Variants in HMGN5 observed in about 807,000 individuals in gnomAD.
The protein encoded by HMGN5 is high mobility group nucleosome-binding domain-containing protein 5.
HMGN5 carries 4 observed loss-of-function variants against 9.5 expected under a neutral mutation model. That is an observed-to-expected ratio of 0.42 (90% confidence interval 0.21 to 0.96). The LOEUF (loss-of-function observed/expected upper bound fraction) is 0.96, where lower values mean the gene tolerates loss of function less well. Ranked by LOEUF, HMGN5 falls within the 40% of genes least tolerant of loss-of-function variation. The probability of loss-of-function intolerance (pLI) is 0.30; values close to 1 mark genes in which losing one functional copy is unlikely to be tolerated. For missense variants in HMGN5, 192 were observed against 187.5 expected (o/e 1.02, Z -0.14); for synonymous variants, 55 against 57.1 (o/e 0.96, Z 0.16).
chrX:81,155,731 G>T (rs2075381312), intron 1 of HMGN5, among the ~76,000 whole-genome samples: 1 of 111,726 alleles, frequency 9.0e-6, no homozygotes, highest in Non-Finnish European at 1.9e-5. Context: ...ATAACAGATT[G>T]CCAGGGATTA....
intron 3 of HMGN5, 110 bp from the exon 4 acceptor site, chrX:81,118,869 A>G: frequency 2.0e-6 from 1 of 492,299 alleles, no homozygotes; most frequent in Non-Finnish European, 3.4e-6. Flanking sequence ...TATTGTCATT[A>G]AGTAATTGTG....
chrX:81,135,847 G>T, intron 1 of HMGN5, among the ~76,000 whole-genome samples: 1 of 110,994 alleles, frequency 9.0e-6, no homozygotes, highest in African/African-American at 3.3e-5. Context: ...TTGAGAGGTG[G>T]GGCCTTTAAG....
In HMGN5 at chrX:81,141,492, A is replaced by G. The variant is rs372465104; in HGVS notation, c.-123-19820T>C. On this transcript the variant is annotated intron_variant, in intron 1 of 6. Coordinates refer to ENST00000358130, the MANE Select transcript of HMGN5 (RefSeq NM_030763.3). ...AGAGAGAGAGAGAGAGAGAGAGAGA[A>G]AGAGAGAGAGAGAGAGACTACTTTT... Among the ~76,000 whole-genome samples the G allele has an allele frequency of 3.1e-4, 15 of 47,704 alleles. No individual in the cohort carries two copies. The South Asian group carries it at 3.3e-3, about 11-fold the overall frequency. 41.4% of individuals were successfully genotyped at this position (47,704 alleles called of 115,157 possible).
intron 1 of HMGN5, among the ~76,000 whole-genome samples, chrX:81,169,499 T>C (rs1271392982): frequency 9.0e-6 from 1 of 111,565 alleles, no homozygotes; most frequent in African/African-American, 3.3e-5. Flanking sequence ...AGATCCTAGC[T>C]ACCTAACGGG....
chrX:81,128,654 A>G (rs1186397137), intron 1 of HMGN5, among the ~76,000 whole-genome samples: 1 of 111,480 alleles, frequency 9.0e-6, no homozygotes, highest in African/African-American at 3.3e-5. Context: ...CACTGGAGAT[A>G]AAAAAGGTAA....
intron 1 of HMGN5, among the ~76,000 whole-genome samples, chrX:81,191,855 G>C (rs971792809): frequency 9.8e-5 from 11 of 111,740 alleles, no homozygotes; most frequent in Admixed American, 3.8e-4. Flanking sequence ...TGTGGATAAG[G>C]GTCCTTTTTC....
At chrX:81,177,546 G>A (rs780533466) in intron 1 of HMGN5, among the ~76,000 whole-genome samples, 3 of 109,825 alleles carry the variant, frequency 2.7e-5, no homozygotes, top group Non-Finnish European at 3.8e-5. Context: ...CAATACAGGA[G>A]CACCCAGATT....
intron 1 of HMGN5, among the ~76,000 whole-genome samples, chrX:81,126,900 G>C (rs2075285456): frequency 9.0e-6 from 1 of 111,411 alleles, no homozygotes; most frequent in Non-Finnish European, 1.9e-5. Context: ...TACTCTCTTA[G>C]AAAATTTCTA....
Position 81,114,687 on chromosome X carries a change from C to G in HMGN5, c.811G>C (p.Asp271His), listed in dbSNP as rs1221024859. Residue 271 changes from aspartate (D) to histidine (H), a missense_variant, in exon 7 of 7, where the codon GAT becomes CAT. Asp to His is a moderately conservative substitution (Grantham distance 81). Coordinates refer to ENST00000358130, the MANE Select transcript of HMGN5 (RefSeq NM_030763.3). ...EGKEEDEIKE[D>H]DGKKEEPQSI... ...TGTGGCTCCTCTTTTTTTCCATCAT[C>G]TTCTTTGATCTCATCTTCCTCTTTT... 4 of 1,138,954 alleles carry G rather than the reference C, an allele frequency of 3.5e-6. No homozygotes were observed. The East Asian group carries it at 1.3e-4, about 38-fold the overall frequency. The allele number at this position is 1,138,954 out of a possible 1,213,427, so 93.9% of individuals were successfully genotyped here.
intron 1 of HMGN5, among the ~76,000 whole-genome samples, chrX:81,198,709 G>T (rs1569354206): frequency 9.0e-6 from 1 of 111,484 alleles, no homozygotes; most frequent in Non-Finnish European, 1.9e-5. Flanking sequence ...AATAAACTAG[G>T]TATTGATGGA....
At chrX:81,149,256 A>T (rs1359492053) in intron 1 of HMGN5, among the ~76,000 whole-genome samples, 1 of 111,976 alleles carries the variant, frequency 8.9e-6, no homozygotes, top group Admixed American at 9.5e-5. Context: ...AGAGTGGATT[A>T]AAAAAATGTG....
intron 1 of HMGN5, among the ~76,000 whole-genome samples, chrX:81,165,593 C>A (rs778742057): frequency 9.0e-6 from 1 of 111,251 alleles, no homozygotes; most frequent in African/African-American, 3.3e-5. Flanking sequence ...AAGTCTAAGA[C>A]GTAAGTTAAC....
At chrX:81,178,987 G>A (rs2075451812) in intron 1 of HMGN5, among the ~76,000 whole-genome samples, 3 of 111,564 alleles carry the variant, frequency 2.7e-5, no homozygotes, top group Non-Finnish European at 3.8e-5. Flanking sequence ...AAAGGCCTTC[G>A]ACAAAATTCA....
At chrX:81,198,046 G>A (rs2075514283) in intron 1 of HMGN5, among the ~76,000 whole-genome samples, 3 of 111,398 alleles carry the variant, frequency 2.7e-5, no homozygotes, top group African/African-American at 9.8e-5. Flanking sequence ...AAAGAAACAG[G>A]AAGAGCAAAG....
intron 1 of HMGN5, among the ~76,000 whole-genome samples, chrX:81,134,073 T>C (rs1156255391): frequency 9.0e-6 from 1 of 111,591 alleles, no homozygotes; most frequent in Non-Finnish European, 1.9e-5. Context: ...GATGAAACTA[T>C]GAATACATTT....
rs139424275 is a variant in HMGN5 at position 81,173,543 on chromosome X, T to C, written c.-124+28194A>G. ...GAAAACAAGATAAATAAAAACAGTT[T>C]AAAATAGGAAAATTAGCTCCTCAGC... On this transcript the variant is annotated intron_variant, in intron 1 of 6. Transcript: ENST00000358130. Among the ~76,000 whole-genome samples, 652 of 112,038 alleles carry C rather than the reference T, an allele frequency of 5.8e-3. 3 individuals carry two copies. The highest frequency in any genetic ancestry group is 0.02 in the African/African-American group (627 of 31,015).
chrX:81,191,430 TAAA>T (rs1299708652), intron 1 of HMGN5, among the ~76,000 whole-genome samples: 1 of 112,091 alleles, frequency 8.9e-6, no homozygotes, highest in African/African-American at 3.2e-5. Flanking sequence ...TTTATCAGAT[TAAA>T]GAGGCTCTTT....
chrX:81,179,325 CCTT>C (rs1367222116), intron 1 of HMGN5, among the ~76,000 whole-genome samples: 1 of 111,758 alleles, frequency 8.9e-6, no homozygotes, highest in East Asian at 2.8e-4. Context: ...CCCCAAATCT[CCTT>C]AAGCTGATAA....
chrX:81,162,170 G>T (rs2147572734), intron 1 of HMGN5, among the ~76,000 whole-genome samples: 1 of 110,768 alleles, frequency 9.0e-6, no homozygotes, highest in South Asian at 3.8e-4. Flanking sequence ...TACCACAGCA[G>T]CCTCACAGGG....
Sources: gnomAD v4.1 joint callset for allele counts (sites outside exome capture counted in the v4.1 genomes callset) on GRCh38, gnomAD v4.1.1 for gene constraint, MANE v1.5 for transcripts, NCBI Gene and HGNC (gene_info 2026-07-23, HGNC 2026-07-21) for gene names.